The following CLSTN3 variants were observed in gnomAD, a reference collection of about 807,000 sequenced individuals.
CLSTN3 encodes the protein calsyntenin-3.
In CLSTN3, 36 loss-of-function variants were observed where a neutral mutation model predicts 95.9. The observed-to-expected ratio is 0.38, with a 90% CI of 0.29 to 0.50. CLSTN3 has a LOEUF of 0.50. CLSTN3 is among the 20% of genes least tolerant of loss of function. CLSTN3 has a pLI of 0.95. For synonymous variants in CLSTN3, 481 were observed against 504.0 expected, an observed-to-expected ratio of 0.95 and a Z score of 0.61; for missense variants, 1,084 against 1,268.8, an observed-to-expected ratio of 0.85 and a Z score of 2.21.
At chr12:7,130,810 A>T in intron 1 of CLSTN3, 98 bp downstream of exon 1, 5 of 1,091,386 alleles carry the variant, frequency 4.6e-6, no homozygotes, top group African/African-American at 1.6e-5. Flanking sequence ...CTGGCACCTG[A>T]CAGGTGTCTG....
chr12:7,156,459 T>G (rs762699226), intron 16 of CLSTN3: 6 of 456,910 alleles, frequency 1.3e-5, no homozygotes, highest in African/African-American at 2.0e-5. Flanking sequence ...TCTGCCCAGC[T>G]GGTGGGGAGC....
At chr12:7,143,429 T>C in intron 12 of CLSTN3, 118 bp downstream of exon 12, 3 of 1,168,302 alleles carry the variant, frequency 2.6e-6, no homozygotes, top group Non-Finnish European at 3.6e-6. Flanking sequence ...GATGAGGAGA[T>C]TGGGCCCTCA....
At chr12:7,135,771 C>T (rs763382178) in intron 4 of CLSTN3, 33 bp from the exon 5 acceptor site, 1 of 1,573,954 alleles carries the variant, frequency 6.4e-7, no homozygotes, top group East Asian at 2.2e-5. Flanking sequence ...TTCTCCAATG[C>T]TCTAATGCTC....
rs968770178 is a variant in CLSTN3, at chr12:7,149,430, A to T, written c.2075-93A>T. ...TGACTTCCCTCTCCCTGGCCCTGGA[A>T]AGGGAGGGAGAGTGGTGATGAGGGC... is the stretch of plus-strand genomic sequence containing the variant. On this transcript the variant is annotated intron_variant, in intron 13 of 17. Transcript: ENST00000266546. The surrounding 1 kb of genome is among the most constrained non-coding windows in gnomAD (Gnocchi z 4.5). 1 of 1,220,864 alleles carries T rather than the reference A, an allele frequency of 8.2e-7. No homozygotes were observed. The allele number at this position is 1,220,864 out of a possible 1,614,324, so 75.6% of individuals were successfully genotyped here.
chr12:7,133,875 C>CACCTAAG lies in CLSTN3; in HGVS notation c.383+107_383+108insACCTAAG. 1.1e-6 allele frequency: 1 copy of CACCTAAG among 922,544 alleles called. No individual in the cohort carries two copies. Among genetic ancestry groups the CACCTAAG allele is most frequent in the Non-Finnish European group, 1.6e-6 (1 of 618,936 alleles). 57.1% of individuals were successfully genotyped at this position (922,544 alleles called of 1,614,324 possible). ...GTCATCGAATATCCACCCCCACCCGCTGCTGTTCCTAGGACTTAGGGAGCC... is the reference window on the plus strand; with the variant it reads ...GTCATCGAATATCCACCCCCACCCGCACCTAAGTGCTGTTCCTAGGACTTAGGGAGCC... On this transcript the variant is annotated intron_variant, in intron 3 of 17. Coordinates refer to ENST00000266546, the MANE Select transcript of CLSTN3 (RefSeq NM_014718.4). This position sits in a 1 kb window ranked among gnomAD's most constrained non-coding sequence, Gnocchi z 4.7.
chr12:7,130,984 C>T (rs777050144), intron 1 of CLSTN3: 102 of 555,248 alleles, frequency 1.8e-4, no homozygotes, highest in Admixed American at 1.4e-3. Context: ...CCTGGGGTCT[C>T]TATTCTCCCC....
chr12:7,147,396 CAAAAAAAA>C (rs56109046), intron 12 of CLSTN3, among the ~76,000 whole-genome samples: 1 of 50,560 alleles, frequency 2.0e-5, no homozygotes, highest in African/African-American at 9.0e-5. Context: ...GAGACTCTGC[CAAAAAAAA>C]AAAAAAAAAA....
At chr12:7,131,777 C>T (rs1337228778) in intron 1 of CLSTN3, 2 of 456,426 alleles carry the variant, frequency 4.4e-6, no homozygotes, top group South Asian at 1.5e-5. Context: ...CCTGTACCGC[C>T]TCCTGTGCAC....
chr12:7,142,873 C>T lies in CLSTN3; in HGVS notation c.1545C>T (p.Asp515=). ...GDNSTDTTQG[D]PLSIHHYFHG... ...GCTCCTGTGTTCCTACCCTAGGAGA[C>T]CCTTTGTCGATCCACCACTACTTCC... The change falls in exon 11 of 18, where the codon GAC becomes GAT. Residue 515 remains aspartate (D), a synonymous_variant. Coordinates refer to ENST00000266546, the MANE Select transcript of CLSTN3 (RefSeq NM_014718.4). 1 of 1,614,108 alleles carries T rather than the reference C, an allele frequency of 6.2e-7. No homozygotes were observed. Among genetic ancestry groups the T allele is most frequent in the Non-Finnish European group, 8.5e-7 (1 of 1,179,994 alleles).
chr12:7,151,881 T>C (rs1220740548), intron 16 of CLSTN3, among the ~76,000 whole-genome samples: 1 of 152,002 alleles, frequency 6.6e-6, no homozygotes, highest in East Asian at 1.9e-4. Flanking sequence ...AGTGAGACTC[T>C]GTCTTTACAA....
chr12:7,132,988 C>T, intron 1 of CLSTN3, 36 bp from the exon 2 acceptor site: 2 of 1,611,964 alleles, frequency 1.2e-6, no homozygotes, highest in Non-Finnish European at 1.7e-6. Context: ...GCCCTGCTCA[C>T]AGGTGCTTCC....
At chr12:7,144,218 G>A (rs1005552930) in intron 12 of CLSTN3, among the ~76,000 whole-genome samples, 13 of 127,876 alleles carry the variant, frequency 1.0e-4, no homozygotes, top group African/African-American at 1.5e-4. Flanking sequence ...GGGCTACAAA[G>A]CGAGACTCCA....
chr12:7,156,697 C>T (rs746909608), intron 16 of CLSTN3: 2 of 456,744 alleles, frequency 4.4e-6, no homozygotes, highest in South Asian at 3.1e-5. Flanking sequence ...CCGCCATCAG[C>T]TCTAAGGTCC....
At chr12:7,144,232 CAAAAAA>C (rs754358387) in intron 12 of CLSTN3, among the ~76,000 whole-genome samples, 2 of 69,700 alleles carry the variant, frequency 2.9e-5, no homozygotes, top group Admixed American at 1.6e-4. Flanking sequence ...GACTCCATCT[CAAAAAA>C]AAAAAAAAAA....
rs1939438303 is a variant in CLSTN3 at position 7,136,986 on chromosome 12, G to A, written c.1086G>A (p.Leu362=). Residue 362 remains leucine (L), a synonymous_variant, in exon 7 of 18, where the codon CTG becomes CTA. Coordinates refer to ENST00000266546, the MANE Select transcript of CLSTN3 (RefSeq NM_014718.4). ...VQVPLGGPSG[L]GSGPQDSLSD... ...TGCCCCTGGGTGGCCCCAGTGGGCT[G>A]GGCTCTGGGCCCCAGGACAGCCTCA... 1 of 1,614,062 alleles carries A rather than the reference G, an allele frequency of 6.2e-7. No individual in the cohort carries two copies. The highest frequency in any genetic ancestry group is 1.1e-5 in the South Asian group (1 of 91,090).
chr12:7,138,026 G>C lies in CLSTN3; in HGVS notation c.1282G>C (p.Glu428Gln). 8 of 1,613,886 alleles carry C rather than the reference G, an allele frequency of 5.0e-6. No homozygotes were observed. Among genetic ancestry groups the C allele is most frequent in the Non-Finnish European group, 5.9e-6 (7 of 1,179,952 alleles). The change falls in exon 8 of 18, where the codon GAG becomes CAG. Residue 428 changes from glutamate to glutamine, a missense_variant. Transcript: ENST00000266546. ...RIAFLYWPLL[E>Q]SARPVKFLWK... Reference sequence around the variant, plus strand: ...TGCCTTCCTCTACTGGCCCCTGCTTGAGAGTGCCCGCCCAGTCAAGTTCCT... The same window carrying C: ...TGCCTTCCTCTACTGGCCCCTGCTTCAGAGTGCCCGCCCAGTCAAGTTCCT...
At chr12:7,146,640 C>T (rs775448988) in intron 12 of CLSTN3, among the ~76,000 whole-genome samples, 1 of 152,290 alleles carries the variant, frequency 6.6e-6, no homozygotes, top group Admixed American at 6.5e-5. Context: ...ACTAACCTCT[C>T]CCTCCTCTGA....
In CLSTN3 at chr12:7,132,179, G is replaced by A. The variant is rs188244113; in HGVS notation, c.65-845G>A. On this transcript the variant is annotated intron_variant, in intron 1 of 17. Transcript: ENST00000266546. ...CTGGTGGTTGAAGGGAAGAGGGATG[G>A]GGTAGATAAGAACTGGGATTGAGTT... 4.9e-4 allele frequency among the ~76,000 whole-genome samples: 74 copies of A among 152,222 alleles called. 1 individual carries two copies. Among genetic ancestry groups the A allele is most frequent in the Non-Finnish European group, 1.0e-4 (7 of 68,006 alleles).
chr12:7,141,719 C>T lies in CLSTN3; in HGVS notation c.1486+315C>T, dbSNP rs1357037208. Reference sequence around the variant, plus strand: ...ATGACTTCCATAGCCCATTCCCCTGCTCAAGGAGAGTAACCCCTTAGAGTG... The same window carrying T: ...ATGACTTCCATAGCCCATTCCCCTGTTCAAGGAGAGTAACCCCTTAGAGTG... On this transcript the variant is annotated intron_variant, in intron 9 of 17. Transcript: ENST00000266546. This position sits in a 1 kb window ranked among gnomAD's most constrained non-coding sequence, Gnocchi z 4.1. Among the ~76,000 whole-genome samples, 1 of 152,196 alleles carries T rather than the reference C, an allele frequency of 6.6e-6. No individual in the cohort carries two copies.
Sources: allele counts gnomAD v4.1 joint callset (sites outside exome capture counted in the v4.1 genomes callset), GRCh38; gene constraint gnomAD v4.1.1; non-coding constraint Gnocchi (gnomAD v3.1); transcripts MANE v1.5; gene names NCBI Gene and HGNC (gene_info 2026-07-23, HGNC 2026-07-21).